DCUN1D5: variants seen among roughly 807,000 people sequenced by gnomAD.
DCUN1D5 encodes DCN1-like protein 5.
Under a neutral mutation model 38.3 loss-of-function variants are expected in DCUN1D5, and 10 were observed. The observed-to-expected ratio is 0.26, with a 90% CI of 0.16 to 0.44. The LOEUF (loss-of-function observed/expected upper bound fraction) is 0.44. DCUN1D5 is among the 20% of genes least tolerant of loss of function. The probability of loss-of-function intolerance (pLI) is 1.00; values close to 1 mark genes in which losing one functional copy is unlikely to be tolerated. For synonymous variants in DCUN1D5, 93 were observed against 90.9 expected (o/e 1.02, Z -0.13); for missense variants, 148 against 275.3 (o/e 0.54, Z 3.27).
intron 4 of DCUN1D5, among the ~76,000 whole-genome samples, chr11:103,074,979 A>T (rs1862373140): frequency 6.6e-6 from 1 of 152,160 alleles, no homozygotes; most frequent in Non-Finnish European, 1.5e-5. Flanking sequence ...TTCCATTACA[A>T]ACAGGGGAGT....
intron 4 of DCUN1D5, among the ~76,000 whole-genome samples, chr11:103,067,213 A>C (rs995830542): frequency 1.3e-5 from 2 of 152,200 alleles, no homozygotes; most frequent in East Asian, 3.9e-4. Flanking sequence ...AAGCAGCTAA[A>C]TATATGGAAG....
At chr11:103,090,866 C>T (rs565524995) in intron 1 of DCUN1D5, among the ~76,000 whole-genome samples, 1 of 152,106 alleles carries the variant, frequency 6.6e-6, no homozygotes, top group Non-Finnish European at 1.5e-5. Context: ...AAGCGGAGAT[C>T]GCGCCACTGC....
chr11:103,080,890 T>C (rs551615628), intron 4 of DCUN1D5, among the ~76,000 whole-genome samples: 1 of 151,984 alleles, frequency 6.6e-6, no homozygotes, highest in Non-Finnish European at 1.5e-5. Context: ...CACACGCCCG[T>C]AGTCCCAGCT....
At position 103,064,383 on chromosome 11, in the gene DCUN1D5, A is replaced by G; in HGVS notation, c.556-6T>C. 6.4e-7 allele frequency: 1 copy of G among 1,573,996 alleles called. No homozygotes were observed. Among genetic ancestry groups the G allele is most frequent in the Non-Finnish European group, 8.6e-7 (1 of 1,157,604 alleles). ...ATAACACGATACTTTGATTGCTGCA[A>G]AAATGATTTAAATATTTGTATTTAA... On this transcript the variant is annotated splice_polypyrimidine_tract_variant and splice_region_variant and intron_variant, in intron 6 of 7. Transcript: ENST00000260247. This position sits in a 1 kb window ranked among gnomAD's most constrained non-coding sequence, Gnocchi z 4.5.
intron 4 of DCUN1D5, among the ~76,000 whole-genome samples, chr11:103,080,476 T>G (rs1862530915): frequency 6.6e-6 from 1 of 152,060 alleles, no homozygotes; most frequent in Non-Finnish European, 1.5e-5. Context: ...AGAAAAACAC[T>G]TTGTATTTCA....
chr11:103,081,144 G>A (rs1037463578), intron 4 of DCUN1D5, among the ~76,000 whole-genome samples: 4 of 151,964 alleles, frequency 2.6e-5, no homozygotes, highest in Admixed American at 2.6e-4. Flanking sequence ...TTTTTATATT[G>A]TATCAACTTA....
At chr11:103,085,329 G>A (rs892543970) in intron 2 of DCUN1D5, among the ~76,000 whole-genome samples, 4 of 152,190 alleles carry the variant, frequency 2.6e-5, no homozygotes, top group East Asian at 1.9e-4. Flanking sequence ...TCCCAGCTAC[G>A]CAGGAGGCTG....
Position 103,065,458 on chromosome 11 carries a change from A to T in DCUN1D5, c.555+811T>A, listed in dbSNP as rs1862112682. 6.6e-6 allele frequency among the ~76,000 whole-genome samples: 1 copy of T among 152,118 alleles called. No individual in the cohort carries two copies. Among genetic ancestry groups the T allele is most frequent in the East Asian group, 1.9e-4 (1 of 5,188 alleles). ...AGGCGTGTGCCACCACGCCCAGCTG[A>T]TATCACTGTCTTGTATCACAACTTT... On this transcript the variant is annotated intron_variant, in intron 6 of 7. Transcript: ENST00000260247. This position sits in a 1 kb window ranked among gnomAD's most constrained non-coding sequence, Gnocchi z 4.6.
intron 4 of DCUN1D5, among the ~76,000 whole-genome samples, chr11:103,068,333 T>G (rs369869532): frequency 6.6e-6 from 1 of 152,176 alleles, no homozygotes; most frequent in Non-Finnish European, 1.5e-5. Flanking sequence ...ATTGGATATA[T>G]ACCCAGAGGA....
At position 103,087,804 on chromosome 11, in the gene DCUN1D5, A is replaced by C. The variant is rs1468221439; in HGVS notation, c.178+1423T>G. Among the ~76,000 whole-genome samples, 1 of 152,230 alleles carries C rather than the reference A, an allele frequency of 6.6e-6. No individual in the cohort carries two copies. Among genetic ancestry groups the C allele is most frequent in the Non-Finnish European group, 1.5e-5 (1 of 68,038 alleles). Reference sequence around the variant, plus strand: ...ATATAGTAAACAAATGTTTAATTAGAATCTTACACTACCTAGGAAAGTTCC... The same window carrying C: ...ATATAGTAAACAAATGTTTAATTAGCATCTTACACTACCTAGGAAAGTTCC... On this transcript the variant is annotated intron_variant, in intron 2 of 7. Coordinates refer to ENST00000260247, the MANE Select transcript of DCUN1D5 (RefSeq NM_032299.4). The surrounding 1 kb of genome is among the most constrained non-coding windows in gnomAD (Gnocchi z 4.1).
chr11:103,091,908 G>T lies in DCUN1D5; in HGVS notation c.-36C>A, dbSNP rs771616253. 2 of 1,585,862 alleles carry T rather than the reference G, an allele frequency of 1.3e-6. No individual in the cohort carries two copies. The stretch of plus-strand genomic sequence containing the variant: ...CCCCGGCAGGGTGGGCAGGGGAGCC[G>T]GGGAAGGGGGTCCCTGTCCGCTGGA... On this transcript the variant is annotated 5_prime_UTR_variant, in exon 1 of 8. Transcript: ENST00000260247. The surrounding 1 kb of genome is among the most constrained non-coding windows in gnomAD (Gnocchi z 4.3).
chr11:103,058,257 G>C lies in DCUN1D5; in HGVS notation c.*4102C>G, dbSNP rs1190348349. Among the ~76,000 whole-genome samples the C allele has an allele frequency of 2.0e-5, 3 of 152,072 alleles. No individual in the cohort carries two copies. The highest frequency in any genetic ancestry group is 6.5e-5 in the Admixed American group (1 of 15,270). On this transcript the variant is annotated 3_prime_UTR_variant, in exon 8 of 8. Transcript: ENST00000260247. ...CAAAATGTTTCATCGATCCTAAAAA[G>C]AAAATGGTCACACCAATAACAACTG... is the stretch of plus-strand genomic sequence containing the variant.
intron 4 of DCUN1D5, among the ~76,000 whole-genome samples, chr11:103,067,848 A>G (rs1263384012): frequency 1.3e-5 from 2 of 152,048 alleles, no homozygotes; most frequent in East Asian, 3.9e-4. Context: ...TCTCCTTGCT[A>G]GTTTTTTTAA....
At chr11:103,067,909 T>C (rs530553204) in intron 4 of DCUN1D5, among the ~76,000 whole-genome samples, 3 of 152,076 alleles carry the variant, frequency 2.0e-5, no homozygotes, top group African/African-American at 4.8e-5. Context: ...TTGCTACTTT[T>C]CCCCCCCGTT....
chr11:103,081,893 T>A (rs1239481841), intron 4 of DCUN1D5, among the ~76,000 whole-genome samples: 1 of 151,932 alleles, frequency 6.6e-6, no homozygotes, highest in Non-Finnish European at 1.5e-5. Context: ...TAAAAAAAAA[T>A]TTAAGGCCAG....
At chr11:103,084,825 A>G (rs965610753) in intron 2 of DCUN1D5, among the ~76,000 whole-genome samples, 1 of 151,568 alleles carries the variant, frequency 6.6e-6, no homozygotes, top group Non-Finnish European at 1.5e-5. Context: ...CCCCATCTCT[A>G]GGGAAAAAAA....
intron 4 of DCUN1D5, chr11:103,080,128 A>AG (rs1253901589): frequency 1.3e-5 from 2 of 152,228 alleles, no homozygotes; most frequent in Admixed American, 1.3e-4. Flanking sequence ...TTAAACTACC[A>AG]GACTGTTTCT....
At chr11:103,074,152 G>C (rs1452066066) in intron 4 of DCUN1D5, among the ~76,000 whole-genome samples, 2 of 152,050 alleles carry the variant, frequency 1.3e-5, no homozygotes, top group Non-Finnish European at 2.9e-5. Context: ...AAAAACTTTT[G>C]CTCTGCAAAA....
At position 103,062,064 on chromosome 11, in the gene DCUN1D5, A is replaced by C. The variant is rs1862025473; in HGVS notation, c.*295T>G. 1.2e-5 allele frequency: 4 copies of C among 324,538 alleles called. No homozygotes were observed. The Admixed American group carries it at 1.4e-4, about 12-fold the overall frequency. The allele number at this position is 324,538 out of a possible 1,614,324, so 20.1% of individuals were successfully genotyped here. A position where few individuals can be genotyped will look rare whatever the true frequency, so the allele number is the denominator to read the frequency against. On this transcript the variant is annotated 3_prime_UTR_variant, in exon 8 of 8. Coordinates refer to ENST00000260247, the MANE Select transcript of DCUN1D5 (RefSeq NM_032299.4). The surrounding 1 kb of genome is among the most constrained non-coding windows in gnomAD (Gnocchi z 4.6). The stretch of plus-strand genomic sequence containing the variant: ...AAAAATAAATACCACTCTGACACTC[A>C]AGGGACATCTTCACTTTAAGGCCTT...
Sources: allele counts gnomAD v4.1 joint callset (sites outside exome capture counted in the v4.1 genomes callset), GRCh38; gene constraint gnomAD v4.1.1; non-coding constraint Gnocchi (gnomAD v3.1); transcripts MANE v1.5; gene names NCBI Gene and HGNC (gene_info 2026-07-23, HGNC 2026-07-21).